FANCA: variants seen among roughly 807,000 people sequenced by gnomAD.
FANCA encodes Fanconi anemia group A protein.
FANCA carries 236 observed loss-of-function variants against 194.3 expected under a neutral mutation model. The ratio of observed to expected loss-of-function variants is 1.21; its 90% CI spans 1.09 to 1.35. FANCA has a LOEUF of 1.35. Ranked by LOEUF, FANCA falls within the 40% of genes most tolerant of loss-of-function variation. The pLI, the probability that FANCA is intolerant of heterozygous loss-of-function variation, is 0.00. For synonymous variants in FANCA, 1,014 were observed against 715.8 expected (o/e 1.42, Z -6.65); for missense variants, 2,628 against 1,813.9 (o/e 1.45, Z -8.15).
chr16:89,801,222 T>C (rs911021880), intron 8 of FANCA, among the ~76,000 whole-genome samples: 7 of 150,118 alleles, frequency 4.7e-5, no homozygotes, highest in Non-Finnish European at 1.0e-4. Context: ...TGGGCGCCTG[T>C]AGTCCCAGCT....
chr16:89,763,933 AAAC>A (rs1382435627), intron 28 of FANCA, among the ~76,000 whole-genome samples: 10 of 148,464 alleles, frequency 6.7e-5, no homozygotes, highest in Middle Eastern at 4.0e-3. Flanking sequence ...AAAAAAAACA[AAAC>A]AACAACAACA....
intron 22 of FANCA, among the ~76,000 whole-genome samples, chr16:89,772,216 G>A (rs1056290543): frequency 6.6e-6 from 1 of 152,218 alleles, no homozygotes; most frequent in Non-Finnish European, 1.5e-5. Flanking sequence ...GGTGAAAACC[G>A]CTTTGCTTTT....
At chr16:89,779,777 G>C (rs2039638536) in intron 18 of FANCA, 92 bp downstream of exon 18, 1 of 1,042,416 alleles carries the variant, frequency 9.6e-7, no homozygotes, top group Non-Finnish European at 1.5e-6. Flanking sequence ...CACCCTGCAG[G>C]CATCAGAGCA....
chr16:89,746,253 G>T lies in FANCA; in HGVS notation c.3513+331C>A, dbSNP rs141725766. Among the ~76,000 whole-genome samples, 59 of 152,320 alleles carry T rather than the reference G, an allele frequency of 3.9e-4. 1 individual carries two copies. In the South Asian group the frequency reaches 8.1e-3, roughly 21 times the overall value. On this transcript the variant is annotated intron_variant, in intron 35 of 42. Coordinates refer to ENST00000389301, the MANE Select transcript of FANCA (RefSeq NM_000135.4). ...ACAGGCAGCCACCGTACAGCCTCCA[G>T]CCAGTGCACAACCCAAGACCGTGAA...
At chr16:89,815,849 C>A in intron 2 of FANCA, 28 bp downstream of exon 2, 2 of 1,552,270 alleles carry the variant, frequency 1.3e-6, no homozygotes, top group East Asian at 4.5e-5. Context: ...CTAAATCTGC[C>A]CGCAGACGGA....
intron 3 of FANCA, among the ~76,000 whole-genome samples, chr16:89,812,112 G>A (rs891106864): frequency 4.7e-5 from 7 of 150,146 alleles, no homozygotes; most frequent in Non-Finnish European, 8.9e-5. Context: ...GAGGCGGGCG[G>A]ATTACAAGGT....
chr16:89,749,855 G>A lies in FANCA; in HGVS notation c.3114C>T (p.Leu1038=), dbSNP rs55758861. 645 of 1,614,190 alleles carry A rather than the reference G, an allele frequency of 4.0e-4. 7 individuals carry two copies. In the East Asian group the frequency reaches 0.014, roughly 34 times the overall value. Residue 1038 remains leucine, a synonymous_variant, in exon 32 of 43, where the codon CTC becomes CTT. Coordinates refer to ENST00000389301, the MANE Select transcript of FANCA (RefSeq NM_000135.4). The part of the protein sequence containing the change: ...LELQQDLIVP[L]GHTPSQEHFL... ...AGTGCTCCTGGGAAGGGGTGTGGCC[G>A]AGAGGCACTATGAGGTCTTGCTGCA...
chr16:89,799,778 G>A lies in FANCA; in HGVS notation c.793-140C>T, dbSNP rs899540874. ...GGAGGCCGAGGCGGGCGGATCACGA[G>A]GTCAGGAGATCGAGACCATCCTGGC... On this transcript the variant is annotated intron_variant, in intron 8 of 42. Coordinates refer to ENST00000389301, the MANE Select transcript of FANCA (RefSeq NM_000135.4). 14 of 719,900 alleles carry A rather than the reference G, an allele frequency of 1.9e-5. No homozygotes were observed. The East Asian group carries it at 3.8e-4, about 20-fold the overall frequency. 44.6% of individuals were successfully genotyped at this position (719,900 alleles called of 1,614,324 possible). A position where few individuals can be genotyped will look rare whatever the true frequency, so the allele number is the denominator to read the frequency against.
At chr16:89,796,248 C>T (rs968142363) in intron 10 of FANCA, among the ~76,000 whole-genome samples, 1 of 152,090 alleles carries the variant, frequency 6.6e-6, no homozygotes, top group African/African-American at 2.4e-5. Flanking sequence ...AGCGAAGGAG[C>T]AGAAGGAAAC....
chr16:89,803,430 G>T (rs2040527491), intron 7 of FANCA, 89 bp from the exon 8 acceptor site: 2 of 1,242,458 alleles, frequency 1.6e-6, no homozygotes, highest in South Asian at 2.4e-5. Context: ...CAGAGGGGCG[G>T]GTGAGCATAT....
chr16:89,789,040 C>T (rs2039983736), intron 14 of FANCA, among the ~76,000 whole-genome samples: 1 of 151,896 alleles, frequency 6.6e-6, no homozygotes, highest in Non-Finnish European at 1.5e-5. Flanking sequence ...CGGGGAGACC[C>T]ATCAACTCCT....
intron 26 of FANCA, among the ~76,000 whole-genome samples, chr16:89,767,544 AGTT>A (rs1409223509): frequency 1.3e-5 from 2 of 150,174 alleles, no homozygotes; most frequent in African/African-American, 4.9e-5. Flanking sequence ...ATTCTGTTGT[AGTT>A]GTTGTTAGTG....
chr16:89,739,176 G>C lies in FANCA; in HGVS notation c.4124C>G (p.Thr1375Arg). The part of the protein sequence containing the change: ...VQLFVAGDTS[T>R]VSPPAGRSLE... ...GCTCCTGCCAGCTGGAGGTGAAACT[G>C]TGCTTGTATCCCCAGCCACGAAGAG... is the stretch of plus-strand genomic sequence containing the variant. The change falls in exon 41 of 43, where the codon ACA (threonine) becomes AGA (arginine). Residue 1375 changes from threonine (T) to arginine (R), a missense_variant. By Grantham distance (71) the Thr-to-Arg change is moderately conservative. Coordinates refer to ENST00000389301, the MANE Select transcript of FANCA (RefSeq NM_000135.4). The C allele has an allele frequency of 6.2e-7, 1 of 1,614,148 alleles. No homozygotes were observed. Among genetic ancestry groups the C allele is most frequent in the Non-Finnish European group, 8.5e-7 (1 of 1,180,028 alleles).
chr16:89,784,748 G>T, intron 15 of FANCA, 106 bp downstream of exon 15: 1 of 858,372 alleles, frequency 1.2e-6, no homozygotes, highest in Non-Finnish European at 2.0e-6. Flanking sequence ...TGGCTGAGAG[G>T]CTCAGAGCAG....
chr16:89,738,695 C>T lies in FANCA; in HGVS notation c.4274G>A (p.Arg1425His), dbSNP rs147406377. The change falls in exon 43 of 43, where the codon CGT (arginine) becomes CAT (histidine). Residue 1425 changes from arginine to histidine, a missense_variant. Arg to His is a conservative substitution (Grantham distance 29, BLOSUM62 0). Transcript: ENST00000389301. Reference protein sequence around the residue: ...FSHVAELLADRGDCDPEVSAA... With the variant: ...FSHVAELLADHGDCDPEVSAA... ...GCTCACCTCTGGGTCGCAGTCCCCA[C>T]GATCAGCCAGCAGCTGTGAGAGAGG... 3.7e-5 allele frequency: 60 copies of T among 1,613,842 alleles called. No individual in the cohort carries two copies. The highest frequency in any genetic ancestry group is 4.7e-5 in the Non-Finnish European group (56 of 1,180,014).
At position 89,814,576 on chromosome 16, in the gene FANCA, T is replaced by C. The variant is rs777209858; in HGVS notation, c.227A>G (p.Lys76Arg). 4 of 1,613,880 alleles carry C rather than the reference T, an allele frequency of 2.5e-6. No homozygotes were observed. The highest frequency in any genetic ancestry group is 1.6e-4 in the Middle Eastern group (1 of 6,084). ...GPLCKKLSLS[K>R]VIDCDSSEAY... is the part of the protein sequence containing the mutation. ...CTCAGAACTGTCACAGTCAATCACT[T>C]TGCTGAGAGACAATTTTTTACACAG... The change falls in exon 3 of 43, where the codon AAA (lysine) becomes AGA (arginine). Residue 76 changes from lysine to arginine, a missense_variant. Transcript: ENST00000389301.
intron 27 of FANCA, among the ~76,000 whole-genome samples, chr16:89,765,677 T>C (rs779432023): frequency 9.8e-4 from 150 of 152,358 alleles, no homozygotes; most frequent in Non-Finnish European, 1.7e-3. Flanking sequence ...TGCGTGACCG[T>C]GTCCATCTCT....
chr16:89,812,762 C>T (rs902777464), intron 3 of FANCA, among the ~76,000 whole-genome samples: 1 of 151,226 alleles, frequency 6.6e-6, no homozygotes, highest in Non-Finnish European at 1.5e-5. Flanking sequence ...AGGCTGGTTG[C>T]GGTGGCTCAT....
Position 89,767,263 on chromosome 16 carries a change from A to G in FANCA, c.2505-26T>C, listed in dbSNP as rs1301004836. Reference sequence around the variant, plus strand: ...CTGAAAACAGAAATTATAACATATAAATGTAATCCATACAAAATAAGGGAT... The same window carrying G: ...CTGAAAACAGAAATTATAACATATAGATGTAATCCATACAAAATAAGGGAT... On this transcript the variant is annotated intron_variant, in intron 26 of 42. Transcript: ENST00000389301. 4 of 1,478,944 alleles carry G rather than the reference A, an allele frequency of 2.7e-6. No homozygotes were observed. In the African/African-American group the frequency reaches 4.2e-5, roughly 15 times the overall value. The allele number at this position is 1,478,944 out of a possible 1,614,324, so 91.6% of individuals were successfully genotyped here.
Sources: allele counts gnomAD v4.1 joint callset (sites outside exome capture counted in the v4.1 genomes callset), GRCh38; gene constraint gnomAD v4.1.1; transcripts MANE v1.5; gene names NCBI Gene and HGNC (gene_info 2026-07-23, HGNC 2026-07-21).